Variants in ADIPOR2 observed in about 807,000 individuals in gnomAD.
The protein encoded by ADIPOR2 is adiponectin receptor 2, also known as adiponectin receptor protein 2.
Under a neutral mutation model 40.9 loss-of-function variants are expected in ADIPOR2, and 18 were observed. The observed-to-expected ratio is 0.44, with a 90% CI of 0.30 to 0.65. The LOEUF (loss-of-function observed/expected upper bound fraction) is 0.65. Among genes scored for constraint, ADIPOR2 ranks in the 30% least tolerant of loss-of-function variants. The pLI, the probability that ADIPOR2 is intolerant of heterozygous loss-of-function variation, is 0.09. For missense variants in ADIPOR2, 283 were observed against 479.2 expected, an observed-to-expected ratio of 0.59 and a Z score of 3.82; for synonymous variants, 165 against 166.4, an observed-to-expected ratio of 0.99 and a Z score of 0.06.
At chr12:1,711,542 T>C (rs1304269545) in intron 1 of ADIPOR2, among the ~76,000 whole-genome samples, 1 of 152,082 alleles carries the variant, frequency 6.6e-6, no homozygotes, top group Non-Finnish European at 1.5e-5. Flanking sequence ...AAATTTACCC[T>C]GGCTTTTAAA....
chr12:1,730,339 C>T (rs759838280), intron 1 of ADIPOR2, among the ~76,000 whole-genome samples: 8 of 151,608 alleles, frequency 5.3e-5, no homozygotes, highest in Admixed American at 3.9e-4. Flanking sequence ...TTGTTCAGGC[C>T]GGGCGCGGTG....
chr12:1,708,497 G>C (rs935418653), intron 1 of ADIPOR2, among the ~76,000 whole-genome samples: 1 of 152,156 alleles, frequency 6.6e-6, no homozygotes, highest in African/African-American at 2.4e-5. Context: ...AAGCCTTACA[G>C]TTTTAGACAT....
At chr12:1,761,416 T>C (rs1417566215) in intron 2 of ADIPOR2, among the ~76,000 whole-genome samples, 5 of 152,210 alleles carry the variant, frequency 3.3e-5, no homozygotes, top group African/African-American at 1.2e-4. Flanking sequence ...AACTCTGTGT[T>C]TAACATTTTG....
intron 1 of ADIPOR2, among the ~76,000 whole-genome samples, chr12:1,722,684 G>T (rs536278462): frequency 6.6e-6 from 1 of 152,138 alleles, no homozygotes. Flanking sequence ...GCCCAGATTC[G>T]AATCTTACTT....
intron 3 of ADIPOR2, among the ~76,000 whole-genome samples, chr12:1,777,073 A>C (rs1011141300): frequency 6.6e-6 from 1 of 152,228 alleles, no homozygotes; most frequent in Non-Finnish European, 1.5e-5. Flanking sequence ...TGGGAAGAGA[A>C]GAAAGAGTAA....
intron 1 of ADIPOR2, among the ~76,000 whole-genome samples, chr12:1,744,293 ACAGGGTTTCAC>A (rs2094750153): frequency 6.6e-6 from 1 of 151,864 alleles, no homozygotes. Context: ...TTTAGTAGAG[ACAGGGTTTCAC>A]CACGTTAGCC....
intron 1 of ADIPOR2, among the ~76,000 whole-genome samples, chr12:1,748,410 G>GCA (rs1565647523): frequency 1.3e-4 from 19 of 151,954 alleles, no homozygotes; most frequent in African/African-American, 4.6e-4. Flanking sequence ...CACCACGCCT[G>GCA]GCTAATTTTT....
At chr12:1,699,759 T>C (rs2094646554) in intron 1 of ADIPOR2, among the ~76,000 whole-genome samples, 1 of 152,254 alleles carries the variant, frequency 6.6e-6, no homozygotes, top group Admixed American at 6.5e-5. Flanking sequence ...TCTTAGGACC[T>C]GTTAGGAAAT....
At chr12:1,712,370 A>G (rs1363037739) in intron 1 of ADIPOR2, among the ~76,000 whole-genome samples, 1 of 152,108 alleles carries the variant, frequency 6.6e-6, no homozygotes, top group African/African-American at 2.4e-5. Flanking sequence ...TTTGGCACCT[A>G]GTGTGCCATT....
At chr12:1,739,937 C>T (rs2094738958) in intron 1 of ADIPOR2, among the ~76,000 whole-genome samples, 1 of 151,864 alleles carries the variant, frequency 6.6e-6, no homozygotes, top group Admixed American at 6.6e-5. Context: ...CCCGTCTCTA[C>T]TAAAAATACA....
At chr12:1,702,392 C>T (rs547668924) in intron 1 of ADIPOR2, among the ~76,000 whole-genome samples, 2 of 152,128 alleles carry the variant, frequency 1.3e-5, no homozygotes, top group Non-Finnish European at 2.9e-5. Context: ...GTCAAATTTG[C>T]TGTCACTTTG....
chr12:1,780,155 G>T, intron 4 of ADIPOR2: 1 of 251,306 alleles, frequency 4.0e-6, no homozygotes, highest in Non-Finnish European at 7.5e-6. Context: ...GGTAGAAGTG[G>T]CTTCATTATA....
chr12:1,699,673 T>C (rs2094646367), intron 1 of ADIPOR2, among the ~76,000 whole-genome samples: 1 of 152,070 alleles, frequency 6.6e-6, no homozygotes, highest in Non-Finnish European at 1.5e-5. Context: ...AAAAACTTCA[T>C]TATAAAATTG....
At position 1,754,965 on chromosome 12, in the gene ADIPOR2, C is replaced by T. The variant is rs553235693; in HGVS notation, c.171+451C>T. On this transcript the variant is annotated intron_variant, in intron 2 of 7. Transcript: ENST00000357103. ...CCTTACCTCAGGTATCCTCCCACCTCGGCCTCCCAAAGTGCTGGGATTACA... is the reference window on the plus strand; with the variant it reads ...CCTTACCTCAGGTATCCTCCCACCTTGGCCTCCCAAAGTGCTGGGATTACA... 3.4e-5 allele frequency among the ~76,000 whole-genome samples: 4 copies of T among 118,560 alleles called. 2 individuals carry two copies. In the South Asian group the frequency reaches 1.1e-3, roughly 34 times the overall value. 77.8% of individuals were successfully genotyped at this position (118,560 alleles called of 152,430 possible). A position where few individuals can be genotyped will look rare whatever the true frequency, so the allele number is the denominator to read the frequency against.
intron 1 of ADIPOR2, among the ~76,000 whole-genome samples, chr12:1,723,640 AAAAACAAAAC>A (rs143381580): frequency 1.2e-4 from 18 of 151,552 alleles, no homozygotes; most frequent in Admixed American, 2.6e-4. Flanking sequence ...ACTCCATCTC[AAAAACAAAAC>A]AAAACAAAAC....
At chr12:1,726,311 C>T (rs2094707883) in intron 1 of ADIPOR2, among the ~76,000 whole-genome samples, 2 of 152,110 alleles carry the variant, frequency 1.3e-5, no homozygotes, top group African/African-American at 4.8e-5. Context: ...GATTCTCCTG[C>T]CTCACCCTCC....
chr12:1,726,844 A>G (rs768114403), intron 1 of ADIPOR2, among the ~76,000 whole-genome samples: 7 of 152,170 alleles, frequency 4.6e-5, no homozygotes, highest in African/African-American at 1.7e-4. Flanking sequence ...AAAGAAACTC[A>G]TTATTGTTCC....
intron 1 of ADIPOR2, among the ~76,000 whole-genome samples, chr12:1,705,221 T>G (rs1005874306): frequency 6.6e-6 from 1 of 152,236 alleles, no homozygotes; most frequent in Non-Finnish European, 1.5e-5. Context: ...AACAGTGGGC[T>G]ATGTGGTATT....
chr12:1,720,527 A>T (rs955896736), intron 1 of ADIPOR2, among the ~76,000 whole-genome samples: 1 of 152,148 alleles, frequency 6.6e-6, no homozygotes, highest in Non-Finnish European at 1.5e-5. Context: ...GAGTGATGGG[A>T]GACAGTGGCA....
Sources: gnomAD v4.1 joint callset for allele counts (sites outside exome capture counted in the v4.1 genomes callset) on GRCh38, gnomAD v4.1.1 for gene constraint, MANE v1.5 for transcripts, NCBI Gene and HGNC (gene_info 2026-07-23, HGNC 2026-07-21) for gene names.